Variants in MEIS1 observed in about 807,000 individuals in gnomAD.
MEIS1 encodes Meis homeobox 1.
A neutral mutation model predicts 50.8 loss-of-function variants in MEIS1; 5 were observed. The observed-to-expected ratio is 0.10, with a 90% CI of 0.05 to 0.21. The LOEUF is 0.21. MEIS1 is among the 10% of genes least tolerant of loss of function. MEIS1 has a pLI of 1.00. For synonymous variants in MEIS1, 176 were observed against 179.3 expected, an observed-to-expected ratio of 0.98 and a Z score of 0.15; for missense variants, 318 against 517.3, an observed-to-expected ratio of 0.61 and a Z score of 3.74.
At chr2:66,488,166 T>C (rs553391222) in intron 7 of MEIS1, among the ~76,000 whole-genome samples, 88 of 152,328 alleles carry the variant, frequency 5.8e-4, no homozygotes, top group African/African-American at 2.0e-3. Flanking sequence ...TATTTAACTA[T>C]TTGTCTTCTG....
intron 8 of MEIS1, among the ~76,000 whole-genome samples, chr2:66,541,727 A>C (rs1394454388): frequency 6.6e-6 from 1 of 152,222 alleles, no homozygotes; most frequent in Non-Finnish European, 1.5e-5. Context: ...ATGATGCTCC[A>C]AACATTTCTG....
intron 7 of MEIS1, among the ~76,000 whole-genome samples, chr2:66,481,814 G>A (rs1673021142): frequency 6.6e-6 from 1 of 151,134 alleles, no homozygotes; most frequent in South Asian, 2.1e-4. Context: ...GGAGTTTAGA[G>A]GATCAGAGAC....
chr2:66,443,144 A>T, intron 6 of MEIS1, 96 bp downstream of exon 6: 1 of 1,335,410 alleles, frequency 7.5e-7, no homozygotes, highest in Non-Finnish European at 1.0e-6. Context: ...TTATTTGCAT[A>T]TGATTAAGTC....
At chr2:66,532,620 A>T (rs982481605) in intron 8 of MEIS1, among the ~76,000 whole-genome samples, 3 of 151,854 alleles carry the variant, frequency 2.0e-5, no homozygotes, top group African/African-American at 7.3e-5. Context: ...GATGCCATGA[A>T]AAAAAAAACA....
At chr2:66,544,011 A>G (rs770123684) in intron 8 of MEIS1, among the ~76,000 whole-genome samples, 2 of 152,220 alleles carry the variant, frequency 1.3e-5, no homozygotes, top group South Asian at 2.1e-4. Context: ...TTGAGATGCA[A>G]TAACAGCAAA....
intron 5 of MEIS1, 31 bp from the exon 6 acceptor site, chr2:66,442,871 T>C: frequency 6.4e-7 from 1 of 1,564,898 alleles, no homozygotes; most frequent in Non-Finnish European, 8.6e-7. Flanking sequence ...CCTGATTATA[T>C]TCCCATTTTT....
intron 7 of MEIS1, among the ~76,000 whole-genome samples, chr2:66,485,975 T>C (rs888130636): frequency 6.6e-6 from 1 of 152,224 alleles, no homozygotes; most frequent in East Asian, 1.9e-4. Context: ...TTGTTTAAGT[T>C]CCTTCTAGAT....
At chr2:66,498,513 G>A (rs1572856532) in intron 7 of MEIS1, among the ~76,000 whole-genome samples, 1 of 152,286 alleles carries the variant, frequency 6.6e-6, no homozygotes, top group Non-Finnish European at 1.5e-5. Context: ...AGATAAAGGG[G>A]AGAGAGGCCT....
rs568995694 is a variant in MEIS1, at chr2:66,464,138, G to C, written c.660G>C (p.Thr220=). 6.2e-7 allele frequency: 1 copy of C among 1,603,774 alleles called. No homozygotes were observed. The highest frequency in any genetic ancestry group is 1.1e-5 in the South Asian group (1 of 88,420). Residue 220 remains threonine, a synonymous_variant, in exon 7 of 13, where the codon ACG becomes ACC. Coordinates refer to ENST00000272369, the MANE Select transcript of MEIS1 (RefSeq NM_002398.3). ...QPSWNRDHDD[T]ASTRSGGTPG... is the part of the protein sequence containing the mutation. ...CTTGGAACAGAGATCATGATGACAC[G>C]GCATCTACTCGTTCAGGAGGAACCC...
chr2:66,510,527 T>C (rs899668969), intron 7 of MEIS1, among the ~76,000 whole-genome samples: 3 of 152,178 alleles, frequency 2.0e-5, no homozygotes, highest in Admixed American at 2.0e-4. Context: ...TTAAATATAA[T>C]AAAATTACAG....
At chr2:66,539,044 C>T (rs141840088) in intron 8 of MEIS1, among the ~76,000 whole-genome samples, 3,113 of 152,202 alleles carry the variant, frequency 0.02, 103 homozygotes, top group African/African-American at 0.071. Context: ...TGTGCCACCA[C>T]GGCTGGCTAA....
Position 66,571,377 on chromosome 2 carries a change from A to G in MEIS1, c.*169A>G. The G allele has an allele frequency of 6.2e-7, 1 of 1,603,074 alleles. No homozygotes were observed. The highest frequency in any genetic ancestry group is 8.5e-7 in the Non-Finnish European group (1 of 1,175,052). On this transcript the variant is annotated 3_prime_UTR_variant, in exon 13 of 13. Coordinates refer to ENST00000272369, the MANE Select transcript of MEIS1 (RefSeq NM_002398.3). ...GCTGCGTCATGGGCCCCCCATGCATACGTACATTCCTGGACACCCTCACCA... is the reference window on the plus strand; with the variant it reads ...GCTGCGTCATGGGCCCCCCATGCATGCGTACATTCCTGGACACCCTCACCA...
In MEIS1 at chr2:66,435,743, CTTTTTTTTTTT is replaced by C. The variant is rs70943697; in HGVS notation, c.-100_-90del. On this transcript the variant is annotated 5_prime_UTR_variant, in exon 1 of 13. Transcript: ENST00000272369. ...AGACGTTAAGGGATTTTTCGTCGTG[CTTTTTTTTTTT>C]TTTTTTTTTTTTTCCGGGGGAGTTT... 3.0e-5 allele frequency: 10 copies of C among 335,582 alleles called. No homozygotes were observed. The highest frequency in any genetic ancestry group is 1.4e-4 in the South Asian group (2 of 14,016). 20.8% of individuals were successfully genotyped at this position (335,582 alleles called of 1,614,324 possible).
chr2:66,475,281 TA>T (rs902711084), intron 7 of MEIS1, among the ~76,000 whole-genome samples: 16 of 146,560 alleles, frequency 1.1e-4, no homozygotes, highest in Non-Finnish European at 2.0e-4. Flanking sequence ...ATATTATATA[TA>T]AAAATATAAA....
intron 7 of MEIS1, among the ~76,000 whole-genome samples, chr2:66,477,127 A>G (rs1277566615): frequency 1.3e-5 from 2 of 152,138 alleles, no homozygotes; most frequent in South Asian, 2.1e-4. Context: ...GTCATTGGAA[A>G]TGTGAGGGTT....
chr2:66,563,615 A>G (rs1675270925), intron 9 of MEIS1, among the ~76,000 whole-genome samples: 1 of 152,230 alleles, frequency 6.6e-6, no homozygotes, highest in Non-Finnish European at 1.5e-5. Flanking sequence ...GCATTCTGTC[A>G]CAAAAGCAGG....
Position 66,435,386 on chromosome 2 carries a change from A to G in MEIS1, c.-471A>G, listed in dbSNP as rs1437393341. The G allele has an allele frequency of 1.4e-5, 3 of 208,988 alleles. No homozygotes were observed. Among genetic ancestry groups the G allele is most frequent in the Non-Finnish European group, 2.8e-5 (3 of 106,148 alleles). 12.9% of individuals were successfully genotyped at this position (208,988 alleles called of 1,614,324 possible). ...GGAAGCGAGCGCTAGGGCTTTGTGC[A>G]TTTGAATATTAACATTTGAGGTGTT... On this transcript the variant is annotated 5_prime_UTR_variant, in exon 1 of 13. Coordinates refer to ENST00000272369, the MANE Select transcript of MEIS1 (RefSeq NM_002398.3).
At chr2:66,458,724 T>A (rs1179033036) in intron 6 of MEIS1, among the ~76,000 whole-genome samples, 2 of 152,216 alleles carry the variant, frequency 1.3e-5, no homozygotes, top group East Asian at 3.9e-4. Flanking sequence ...CTTTTGACTG[T>A]TATGCTACAA....
chr2:66,560,793 A>G (rs1675194046), intron 9 of MEIS1, among the ~76,000 whole-genome samples: 1 of 151,998 alleles, frequency 6.6e-6, no homozygotes, highest in African/African-American at 2.4e-5. Flanking sequence ...TAGAGAAGAG[A>G]GGTGCTCCCT....
Sources: allele counts gnomAD v4.1 joint callset (sites outside exome capture counted in the v4.1 genomes callset), GRCh38; gene constraint gnomAD v4.1.1; transcripts MANE v1.5; gene names NCBI Gene and HGNC (gene_info 2026-07-23, HGNC 2026-07-21).